MED6: variants seen among roughly 807,000 people sequenced by gnomAD.
MED6 encodes mediator of RNA polymerase II transcription subunit 6.
MED6 carries 33 observed loss-of-function variants against 37.5 expected under a neutral mutation model. That is an observed-to-expected ratio of 0.88 (90% CI 0.67 to 1.18). The LOEUF (loss-of-function observed/expected upper bound fraction) is 1.18. Among genes scored for constraint, MED6 ranks in the 50% most tolerant of loss-of-function variants. The pLI, the probability that MED6 is intolerant of heterozygous loss-of-function variation, is 0.00. For synonymous variants in MED6, 94 were observed against 93.6 expected (o/e 1.00, Z -0.02); for missense variants, 235 against 290.6 (o/e 0.81, Z 1.39).
chr14:70,600,467 G>T, intron 1 of MED6, 149 bp downstream of exon 1: 3 of 673,314 alleles, frequency 4.5e-6, no homozygotes, highest in Non-Finnish European at 6.9e-6. Flanking sequence ...TCAACGTTTC[G>T]CTAGATCACA....
At position 70,592,974 on chromosome 14, in the gene MED6, A is replaced by G. The variant is rs2233137; in HGVS notation, c.372T>C (p.His124=). ...CTTCATCAAAAGCTGACTGAATACC[A>G]TGCACTGCAGTAAGCTTGTAAAAGG... ...VINSRVLTAV[H]GIQSAFDEAM... The change falls in exon 5 of 8, where the codon CAT becomes CAC. Residue 124 remains histidine, a synonymous_variant. Transcript: ENST00000256379. 1,905 of 1,613,778 alleles carry G rather than the reference A, an allele frequency of 1.2e-3. 23 individuals carry two copies. In the African/African-American group the frequency reaches 0.023, roughly 19 times the overall value.
chr14:70,592,983 A>G lies in MED6; in HGVS notation c.363T>C (p.Thr121=), dbSNP rs1884929099. The change falls in exon 5 of 8, where the codon ACT becomes ACC. Residue 121 remains threonine (T), a synonymous_variant. Transcript: ENST00000256379. The part of the protein sequence containing the change: ...LGSVINSRVL[T]AVHGIQSAFD... ...AAGCTGACTGAATACCATGCACTGC[A>G]GTAAGCTTGTAAAAGGAAAATAAAC... 1 of 1,613,676 alleles carries G rather than the reference A, an allele frequency of 6.2e-7. No individual in the cohort carries two copies. The highest frequency in any genetic ancestry group is 8.5e-7 in the Non-Finnish European group (1 of 1,179,928).
At chr14:70,588,722 AAT>A (rs1189944188) in intron 6 of MED6, among the ~76,000 whole-genome samples, 1 of 113,406 alleles carries the variant, frequency 8.8e-6, no homozygotes, top group Non-Finnish European at 1.7e-5. Flanking sequence ...TAATAATAAT[AAT>A]AATAATAATA....
rs1464820617 is a variant in MED6 at position 70,592,879 on chromosome 14, C to T, written c.466+1G>A. On this transcript the variant is annotated splice_donor_variant, in intron 5 of 7. Transcript: ENST00000256379. LOFTEE classifies it high-confidence loss of function. ...TAGGAGGGTATGGATGTTCTACTTA[C>T]CTTGCTCTTCATGATCTTTGAAGTG... 1 of 1,613,628 alleles carries T rather than the reference C, an allele frequency of 6.2e-7. No homozygotes were observed. The highest frequency in any genetic ancestry group is 1.7e-5 in the Admixed American group (1 of 60,020).
chr14:70,597,130 T>A (rs1885070894), intron 2 of MED6, among the ~76,000 whole-genome samples: 3 of 152,154 alleles, frequency 2.0e-5, no homozygotes, highest in African/African-American at 7.2e-5. Flanking sequence ...TCCCAACAAA[T>A]TTTTTTACCT....
Position 70,584,952 on chromosome 14 carries a change from C to A in MED6, c.611-9G>T, listed in dbSNP as rs201027642. ...TTTCTTTGTTTGATCCACTAGATAT[C>A]AAAAGTAGATTTTTTGGGAGGGAGA... is the stretch of plus-strand genomic sequence containing the variant. On this transcript the variant is annotated splice_polypyrimidine_tract_variant and intron_variant, in intron 7 of 7. Coordinates refer to ENST00000256379, the MANE Select transcript of MED6 (RefSeq NM_005466.4). The A allele has an allele frequency of 3.1e-6, 5 of 1,610,620 alleles. No individual in the cohort carries two copies. The African/African-American group carries it at 5.4e-5, about 17-fold the overall frequency.
chr14:70,595,426 C>T (rs1161936434), intron 3 of MED6: 4 of 575,170 alleles, frequency 7.0e-6, no homozygotes, highest in South Asian at 1.7e-5. Flanking sequence ...GTGACGCTCA[C>T]GGAGCTGAGA....
At chr14:70,587,021 T>A (rs1325440982) in intron 6 of MED6, among the ~76,000 whole-genome samples, 1 of 152,200 alleles carries the variant, frequency 6.6e-6, no homozygotes, top group Non-Finnish European at 1.5e-5. Context: ...CCTGCTTTCT[T>A]CAGAGGTTGT....
At position 70,594,370 on chromosome 14, in the gene MED6, C is replaced by T. The variant is rs138191481; in HGVS notation, c.275-992G>A. On this transcript the variant is annotated intron_variant, in intron 3 of 7. Transcript: ENST00000256379. ...CTTTCAGTAGGTAGTATAACCCACG[C>T]AAGGCTTTTAGTTGAATGCATCACT... Among the ~76,000 whole-genome samples, 133 of 152,314 alleles carry T rather than the reference C, an allele frequency of 8.7e-4. 2 individuals are homozygous for T. The East Asian group carries it at 0.011, about 13-fold the overall frequency.
chr14:70,596,758 TAA>T, intron 2 of MED6, 56 bp from the exon 3 acceptor site: 1 of 1,206,226 alleles, frequency 8.3e-7, no homozygotes, highest in East Asian at 2.4e-5. Context: ...AATAATTTTA[TAA>T]GACATTCAAA....
chr14:70,595,045 A>C (rs1362997379), intron 3 of MED6: 2 of 560,438 alleles, frequency 3.6e-6, no homozygotes, highest in Admixed American at 3.8e-5. Context: ...TGCTGCTGAT[A>C]GAGTCAAGTA....
At chr14:70,597,095 G>C (rs1246513234) in intron 2 of MED6, among the ~76,000 whole-genome samples, 2 of 152,004 alleles carry the variant, frequency 1.3e-5, no homozygotes, top group Non-Finnish European at 2.9e-5. Context: ...TACCAAACTA[G>C]AAAACATCAA....
At chr14:70,600,389 T>G (rs1252597172) in intron 1 of MED6, among the ~76,000 whole-genome samples, 1 of 151,434 alleles carries the variant, frequency 6.6e-6, no homozygotes, top group Non-Finnish European at 1.5e-5. Flanking sequence ...ACCCAGAGCT[T>G]CTTCCAACCC....
At chr14:70,597,167 A>C (rs2139603589) in intron 2 of MED6, among the ~76,000 whole-genome samples, 1 of 152,358 alleles carries the variant, frequency 6.6e-6, no homozygotes, top group East Asian at 1.9e-4. Flanking sequence ...AAGCAACAAT[A>C]AGTTGTCTCA....
At chr14:70,586,306 A>C (rs1022839771) in intron 6 of MED6, among the ~76,000 whole-genome samples, 2 of 152,184 alleles carry the variant, frequency 1.3e-5, no homozygotes, top group African/African-American at 4.8e-5. Context: ...AAAAAAGATA[A>C]GAGCATTAGA....
chr14:70,594,851 T>TGAG, intron 3 of MED6: 1 of 654,470 alleles, frequency 1.5e-6, no homozygotes, highest in Admixed American at 1.9e-5. Flanking sequence ...CTGGACAGAG[T>TGAG]GAGGAGCCTG....
At chr14:70,586,308 A>C (rs1418774803) in intron 6 of MED6, among the ~76,000 whole-genome samples, 1 of 152,182 alleles carries the variant, frequency 6.6e-6, no homozygotes, top group East Asian at 1.9e-4. Context: ...AAAAGATAAG[A>C]GCATTAGAGG....
At chr14:70,594,201 T>A (rs79195806) in intron 3 of MED6, among the ~76,000 whole-genome samples, 8,276 of 152,252 alleles carry the variant, frequency 0.054, 461 homozygotes, top group African/African-American at 0.15. Flanking sequence ...CTATCTTGAA[T>A]CTTCTCTTCA....
intron 1 of MED6, among the ~76,000 whole-genome samples, 163 bp downstream of exon 1, chr14:70,600,453 C>A (rs1356462546): frequency 6.8e-6 from 1 of 146,002 alleles, no homozygotes; most frequent in Non-Finnish European, 1.5e-5. Context: ...AAAAAAAAAA[C>A]TCGTCAACGT....
Sources: gnomAD v4.1 joint callset for allele counts (sites outside exome capture counted in the v4.1 genomes callset) on GRCh38, gnomAD v4.1.1 for gene constraint, MANE v1.5 for transcripts, NCBI Gene and HGNC (gene_info 2026-07-23, HGNC 2026-07-21) for gene names.